The following FHIT variants were observed in gnomAD, a reference collection of about 807,000 sequenced individuals.
FHIT encodes the protein fragile histidine triad diadenosine triphosphatase.
A neutral mutation model predicts 17.9 loss-of-function variants in FHIT; 19 were observed. The observed-to-expected ratio is 1.06, with a 90% CI of 0.74 to 1.56. The LOEUF is 1.56. Among genes scored for constraint, FHIT ranks in the 40% most tolerant of loss-of-function variants. The pLI, the probability that FHIT is intolerant of heterozygous loss-of-function variation, is 0.00. For missense variants in FHIT, 248 were observed against 189.2 expected, an observed-to-expected ratio of 1.31 and a Z score of -1.82; for synonymous variants, 81 against 69.7, an observed-to-expected ratio of 1.16 and a Z score of -0.81.
chr3:61,041,770 G>A (rs1320335448), intron 3 of FHIT, among the ~76,000 whole-genome samples: 16 of 151,368 alleles, frequency 1.1e-4, no homozygotes, highest in Non-Finnish European at 2.2e-4. Context: ...ATTCTTTTGA[G>A]CTAATAAAAT....
At chr3:60,942,058 G>C (rs906943125) in intron 3 of FHIT, among the ~76,000 whole-genome samples, 1 of 152,028 alleles carries the variant, frequency 6.6e-6, no homozygotes. Context: ...CAATTGGCTC[G>C]CTGCAACCTC....
chr3:60,196,107 T>C (rs912339246), intron 5 of FHIT, among the ~76,000 whole-genome samples: 25 of 152,174 alleles, frequency 1.6e-4, no homozygotes, highest in African/African-American at 5.8e-4. Flanking sequence ...TAGTTTATTA[T>C]TGCCGCTGTC....
intron 5 of FHIT, among the ~76,000 whole-genome samples, chr3:60,382,877 A>G (rs1700864154): frequency 6.6e-6 from 1 of 152,180 alleles, no homozygotes; most frequent in Admixed American, 6.5e-5. Context: ...ATCATTAGCA[A>G]TCTTTTTCCC....
intron 5 of FHIT, among the ~76,000 whole-genome samples, chr3:60,282,873 A>G (rs1707527713): frequency 6.6e-6 from 1 of 152,154 alleles, no homozygotes; most frequent in Non-Finnish European, 1.5e-5. Context: ...AAGTAGGAAG[A>G]TTCTTATGGC....
intron 4 of FHIT, among the ~76,000 whole-genome samples, chr3:60,792,340 T>C (rs1700809163): frequency 6.7e-6 from 1 of 148,426 alleles, no homozygotes; most frequent in East Asian, 2.0e-4. Flanking sequence ...ATGTATATAG[T>C]TGTGTATACA....
intron 5 of FHIT, among the ~76,000 whole-genome samples, chr3:60,314,164 C>T (rs1464495485): frequency 6.6e-6 from 1 of 152,158 alleles, no homozygotes; most frequent in Non-Finnish European, 1.5e-5. Context: ...TGCAGCTGTC[C>T]TGCTCTTGTG....
intron 2 of FHIT, among the ~76,000 whole-genome samples, chr3:61,185,772 T>G (rs1239504833): frequency 1.2e-4 from 19 of 152,218 alleles, no homozygotes. Context: ...GAAATGTCAC[T>G]TGGAGTCATC....
chr3:60,318,369 A>G (rs1709264960), intron 5 of FHIT, among the ~76,000 whole-genome samples: 1 of 152,248 alleles, frequency 6.6e-6, no homozygotes, highest in African/African-American at 2.4e-5. Context: ...AGAGTGAAAT[A>G]GAAATCAACC....
intron 4 of FHIT, among the ~76,000 whole-genome samples, chr3:60,746,819 G>A (rs2042365763): frequency 6.6e-6 from 1 of 152,104 alleles, no homozygotes; most frequent in Non-Finnish European, 1.5e-5. Flanking sequence ...TAGATATATG[G>A]CTCTCCGTTT....
chr3:60,556,754 G>A (rs1022649847), intron 4 of FHIT, among the ~76,000 whole-genome samples: 2 of 152,258 alleles, frequency 1.3e-5, no homozygotes, highest in Non-Finnish European at 2.9e-5. Flanking sequence ...GAGAAGAGGA[G>A]CAGTGGCATC....
chr3:60,818,533 T>C (rs1553738308), intron 4 of FHIT, among the ~76,000 whole-genome samples: 1 of 152,210 alleles, frequency 6.6e-6, no homozygotes, highest in African/African-American at 2.4e-5. Flanking sequence ...CAGAATTACA[T>C]GACGTGATCT....
intron 4 of FHIT, among the ~76,000 whole-genome samples, chr3:60,759,782 T>C (rs1449696969): frequency 6.6e-6 from 1 of 152,166 alleles, no homozygotes; most frequent in African/African-American, 2.4e-5. Flanking sequence ...GACAAGTGCA[T>C]TCTGAGAAGC....
chr3:60,560,703 G>C (rs1252839364), intron 4 of FHIT, among the ~76,000 whole-genome samples: 1 of 151,940 alleles, frequency 6.6e-6, no homozygotes, highest in Non-Finnish European at 1.5e-5. Flanking sequence ...ACCACAGAAA[G>C]AGGACAGAAT....
intron 8 of FHIT, among the ~76,000 whole-genome samples, chr3:59,879,845 T>C (rs1340077577): frequency 2.0e-5 from 3 of 152,188 alleles, no homozygotes; most frequent in Admixed American, 6.5e-5. Flanking sequence ...CCAATACTTT[T>C]ATGTTCTTTA....
chr3:59,806,429 C>G (rs1477267447), intron 8 of FHIT, among the ~76,000 whole-genome samples: 2 of 152,016 alleles, frequency 1.3e-5, no homozygotes, highest in Non-Finnish European at 2.9e-5. Flanking sequence ...AATTTATACT[C>G]TTTCCAATGC....
At chr3:60,798,845 C>T (rs1420841323) in intron 4 of FHIT, among the ~76,000 whole-genome samples, 1 of 149,844 alleles carries the variant, frequency 6.7e-6, no homozygotes, top group African/African-American at 2.5e-5. Flanking sequence ...GCAACCTCCT[C>T]CTCCCAGGTT....
At chr3:60,756,742 T>C (rs1240474836) in intron 4 of FHIT, among the ~76,000 whole-genome samples, 2 of 152,202 alleles carry the variant, frequency 1.3e-5, no homozygotes, top group African/African-American at 4.8e-5. Context: ...CTTGCTTTTA[T>C]AGAGGAAGAA....
intron 5 of FHIT, among the ~76,000 whole-genome samples, chr3:60,159,017 C>G (rs1027751362): frequency 6.6e-6 from 1 of 152,178 alleles, no homozygotes; most frequent in Non-Finnish European, 1.5e-5. Context: ...TGATTTTATA[C>G]TAATGTTTGC....
At chr3:60,581,820 C>T (rs2037757043) in intron 4 of FHIT, among the ~76,000 whole-genome samples, 1 of 151,922 alleles carries the variant, frequency 6.6e-6, no homozygotes, top group Admixed American at 6.6e-5. Flanking sequence ...GGAGAAGTAT[C>T]AAAGATTCTT....
Sources: gnomAD v4.1 joint callset for allele counts (sites outside exome capture counted in the v4.1 genomes callset) on GRCh38, gnomAD v4.1.1 for gene constraint, MANE v1.5 for transcripts, NCBI Gene and HGNC (gene_info 2026-07-23, HGNC 2026-07-21) for gene names.